Variants in SRPX observed in about 807,000 individuals in gnomAD.
The protein encoded by SRPX is sushi repeat-containing protein SRPX.
SRPX carries 24 observed loss-of-function variants against 38.1 expected under a neutral mutation model. The ratio of observed to expected loss-of-function variants is 0.63; its 90% confidence interval spans 0.46 to 0.89. The LOEUF (loss-of-function observed/expected upper bound fraction) is 0.89. Ranked by LOEUF, SRPX falls within the 40% of genes least tolerant of loss-of-function variation. The pLI, the probability that SRPX is intolerant of heterozygous loss-of-function variation, is 0.00. For missense variants in SRPX, 416 were observed against 377.8 expected, an observed-to-expected ratio of 1.10 and a Z score of -0.84; for synonymous variants, 184 against 153.8, an observed-to-expected ratio of 1.20 and a Z score of -1.45.
chrX:38,212,996 C>CT (rs1939358476), intron 1 of SRPX, among the ~76,000 whole-genome samples: 1 of 112,534 alleles, frequency 8.9e-6, no homozygotes, highest in African/African-American at 3.2e-5. Context: ...CTTTATGCAC[C>CT]AGTGGTGGCC....
At chrX:38,220,106 T>A (rs1239703209) in intron 1 of SRPX, among the ~76,000 whole-genome samples, 1 of 113,265 alleles carries the variant, frequency 8.8e-6, no homozygotes, top group African/African-American at 3.2e-5. Flanking sequence ...GCATGCCACA[T>A]GTCACCACTC....
chrX:38,175,107 T>C (rs1432563231), intron 2 of SRPX, among the ~76,000 whole-genome samples: 1 of 112,158 alleles, frequency 8.9e-6, no homozygotes. Context: ...ACCTCCCTGC[T>C]GTGCTTTTGA....
chrX:38,155,302 T>C (rs1938113728), intron 8 of SRPX, among the ~76,000 whole-genome samples: 1 of 112,559 alleles, frequency 8.9e-6, no homozygotes, highest in Non-Finnish European at 1.9e-5. Flanking sequence ...TAGACTTTTG[T>C]ATTACTCTCA....
rs746029665 is a variant in SRPX, at chrX:38,171,983, G to C, written c.424C>G (p.Arg142Gly). Residue 142 changes from arginine to glycine, a missense_variant, in exon 4 of 10, where the codon CGG becomes GGG. Physicochemically the swap from Arg to Gly is moderately radical, Grantham distance 125 (BLOSUM62 -2). Transcript: ENST00000378533. Reference sequence around the variant, plus strand: ...CCTGGTGAACAATAATACTCACACCGGGAGTTAAAGTAGGCACCATCTACA... The same window carrying C: ...CCTGGTGAACAATAATACTCACACCCGGAGTTAAAGTAGGCACCATCTACA... ...KCVDGAYFNSRCEYYCSPGYT... is the reference protein window; with the variant it reads ...KCVDGAYFNSGCEYYCSPGYT... 4.1e-6 allele frequency: 5 copies of C among 1,209,355 alleles called. No homozygotes were observed. The highest frequency in any genetic ancestry group is 2.3e-4 in the Middle Eastern group (1 of 4,347).
chrX:38,171,831 C>G (rs776825868), intron 4 of SRPX, 50 bp downstream of exon 4: 1 of 1,171,865 alleles, frequency 8.5e-7, no homozygotes, highest in Non-Finnish European at 1.2e-6. Flanking sequence ...GTGAACACCC[C>G]CTGCTCCTCC....
At chrX:38,178,870 AG>A (rs1397309817) in intron 1 of SRPX, among the ~76,000 whole-genome samples, 1 of 111,522 alleles carries the variant, frequency 9.0e-6, no homozygotes, top group Non-Finnish European at 1.9e-5. Context: ...CAGCATTTGT[AG>A]GAAATGAAGG....
chrX:38,152,765 C>T (rs1318423536), intron 9 of SRPX, among the ~76,000 whole-genome samples: 1 of 112,153 alleles, frequency 8.9e-6, no homozygotes, highest in Non-Finnish European at 1.9e-5. Context: ...CATACACACA[C>T]ACATACACAC....
Position 38,178,305 on chromosome X carries a change from T to A in SRPX, c.137A>T (p.Tyr46Phe), listed in dbSNP as rs1460230896. The change falls in exon 2 of 10, where the codon TAT becomes TTT. Residue 46 changes from tyrosine (Y) to phenylalanine (F), a missense_variant. Coordinates refer to ENST00000378533, the MANE Select transcript of SRPX (RefSeq NM_006307.5). The stretch of plus-strand genomic sequence containing the variant: ...TTCACCTTTATATCTAGGGTGTGAA[T>A]ACCCGACTTCATCGTCTTCTAGTGG... Reference protein sequence around the residue: ...DSPLEDDEVGYSHPRYKDTPW... With the variant: ...DSPLEDDEVGFSHPRYKDTPW... 8.3e-7 allele frequency: 1 copy of A among 1,210,437 alleles called. No individual in the cohort carries two copies.
chrX:38,204,446 G>T (rs1442401486), intron 1 of SRPX, among the ~76,000 whole-genome samples: 1 of 112,176 alleles, frequency 8.9e-6, no homozygotes, highest in African/African-American at 3.2e-5. Flanking sequence ...ATTAATTTTT[G>T]AAAATGGTAT....
chrX:38,207,938 T>C (rs1939243330), intron 1 of SRPX, among the ~76,000 whole-genome samples: 1 of 111,822 alleles, frequency 8.9e-6, no homozygotes, highest in African/African-American at 3.3e-5. Flanking sequence ...ACCTGCCCAA[T>C]AGAACAGTCT....
At chrX:38,190,890 G>C (rs184289880) in intron 1 of SRPX, among the ~76,000 whole-genome samples, 34 of 111,463 alleles carry the variant, frequency 3.1e-4, no homozygotes, top group Admixed American at 8.6e-4. Context: ...TTGACTACAG[G>C]AGCAATCATA....
chrX:38,161,326 G>C (rs998881628), intron 5 of SRPX, among the ~76,000 whole-genome samples: 14 of 110,595 alleles, frequency 1.3e-4, no homozygotes, highest in African/African-American at 4.6e-4. Context: ...TGGGTAGAGG[G>C]GGGAGGGAGG....
chrX:38,199,323 G>A (rs1287708137), intron 1 of SRPX, among the ~76,000 whole-genome samples: 1 of 111,536 alleles, frequency 9.0e-6, no homozygotes, highest in Non-Finnish European at 1.9e-5. Flanking sequence ...GGAGAATGGC[G>A]TGAACCCGGG....
intron 2 of SRPX, among the ~76,000 whole-genome samples, chrX:38,175,093 C>T (rs1301931400): frequency 7.1e-5 from 8 of 112,073 alleles, no homozygotes; most frequent in Non-Finnish European, 1.9e-5. Context: ...ATGAATAAAT[C>T]AGAACCTCCC....
chrX:38,153,426 A>G, intron 9 of SRPX, among the ~76,000 whole-genome samples: 2 of 108,708 alleles, frequency 1.8e-5, no homozygotes. Flanking sequence ...AAATTAGAGA[A>G]AGAAGCTATT....
In SRPX at chrX:38,201,818, C is replaced by CAA. The variant is rs920417516; in HGVS notation, c.97+18876_97+18877dup. On this transcript the variant is annotated intron_variant, in intron 1 of 9. Transcript: ENST00000378533. Reference sequence around the variant, plus strand: ...TGGGTGACAGAGCGAGACTCCGTCTCAAAAAAAAAAAAAAAAAAGAATTTG... The same window carrying CAA: ...TGGGTGACAGAGCGAGACTCCGTCTCAAAAAAAAAAAAAAAAAAAAGAATTTG... Among the ~76,000 whole-genome samples, 69 of 40,158 alleles carry CAA rather than the reference C, an allele frequency of 1.7e-3. 1 individual carries two copies. The highest frequency in any genetic ancestry group is 6.1e-3 in the African/African-American group (67 of 11,006). The allele number at this position is 40,158 out of a possible 115,157, so 34.9% of individuals were successfully genotyped here. A position where few individuals can be genotyped will look rare whatever the true frequency, so the allele number is the denominator to read the frequency against.
At chrX:38,174,862 A>C (rs191088059) in intron 2 of SRPX, among the ~76,000 whole-genome samples, 1 of 112,189 alleles carries the variant, frequency 8.9e-6, no homozygotes, top group East Asian at 2.8e-4. Flanking sequence ...CATTCTCTCT[A>C]AAATGTTGTA....
chrX:38,197,348 A>T (rs752389135), intron 1 of SRPX, among the ~76,000 whole-genome samples: 1 of 112,523 alleles, frequency 8.9e-6, no homozygotes, highest in East Asian at 2.8e-4. Context: ...CTGCAAGAGG[A>T]CAGAGGCTAA....
At chrX:38,211,536 C>T (rs1939320278) in intron 1 of SRPX, among the ~76,000 whole-genome samples, 1 of 111,076 alleles carries the variant, frequency 9.0e-6, no homozygotes, top group African/African-American at 3.3e-5. Context: ...CCCATCTATA[C>T]TAAAAACACA....
Sources: allele counts gnomAD v4.1 joint callset (sites outside exome capture counted in the v4.1 genomes callset), GRCh38; gene constraint gnomAD v4.1.1; transcripts MANE v1.5; gene names NCBI Gene and HGNC (gene_info 2026-07-23, HGNC 2026-07-21).